The following IL1RAPL2 variants were observed in gnomAD, a reference collection of about 807,000 sequenced individuals.
IL1RAPL2 encodes interleukin 1 receptor accessory protein like 2, also known as X-linked interleukin-1 receptor accessory protein-like 2.
A neutral mutation model predicts 44.1 loss-of-function variants in IL1RAPL2; 3 were observed. That is an observed-to-expected ratio of 0.07 (90% CI 0.03 to 0.18). The LOEUF (loss-of-function observed/expected upper bound fraction) is 0.18, where lower values mean the gene tolerates loss of function less well. IL1RAPL2 is among the 10% of genes least tolerant of loss of function. The pLI is 1.00. For missense variants in IL1RAPL2, 391 were observed against 496.4 expected (o/e 0.79, Z 2.02); for synonymous variants, 181 against 178.8 (o/e 1.01, Z -0.10).
At chrX:105,154,172 C>A (rs2033250883) in intron 2 of IL1RAPL2, among the ~76,000 whole-genome samples, 1 of 111,151 alleles carries the variant, frequency 9.0e-6, no homozygotes, top group African/African-American at 3.3e-5. Context: ...AATGTTAATG[C>A]TGGTCAATTG....
rs143326463 is a variant in IL1RAPL2 at position 104,693,046 on chromosome X, G to A, written c.82+34051G>A. On this transcript the variant is annotated intron_variant, in intron 2 of 10. Transcript: ENST00000372582. ...TTTAATGATCGCCATTCTAACTGGT[G>A]TGATTATATTTTTAACAGTAGAAGC... Among the ~76,000 whole-genome samples, 430 of 111,954 alleles carry A rather than the reference G, an allele frequency of 3.8e-3. 1 individual carries two copies. Among genetic ancestry groups the A allele is most frequent in the African/African-American group, 0.013 (410 of 30,817 alleles).
chrX:105,627,899 C>G (rs905527661), intron 6 of IL1RAPL2, among the ~76,000 whole-genome samples: 2 of 111,771 alleles, frequency 1.8e-5, no homozygotes, highest in Admixed American at 9.5e-5. Flanking sequence ...ATGGCAGGTT[C>G]AGGAATGGCA....
rs780138775 is a variant in IL1RAPL2, at chrX:105,337,845, C to T, written c.697+70304C>T. On this transcript the variant is annotated intron_variant, in intron 5 of 10. Coordinates refer to ENST00000372582, the MANE Select transcript of IL1RAPL2 (RefSeq NM_017416.2). ...GGCAGAGCTTGCAGTGAGCCGAGAT[C>T]GCGCCACTGCACTCCAGACTGGGAG... Among the ~76,000 whole-genome samples, 141 of 109,983 alleles carry T rather than the reference C, an allele frequency of 1.3e-3. 2 individuals are homozygous for T. The highest frequency in any genetic ancestry group is 2.0e-3 in the Admixed American group (21 of 10,373).
intron 2 of IL1RAPL2, among the ~76,000 whole-genome samples, chrX:104,833,226 A>G (rs947090738): frequency 6.3e-5 from 7 of 110,874 alleles, no homozygotes; most frequent in Non-Finnish European, 9.4e-5. Flanking sequence ...TGCAGCCTCA[A>G]TCTCCTGGGC....
chrX:105,755,576 A>AT (rs1402290100), intron 10 of IL1RAPL2, among the ~76,000 whole-genome samples: 1 of 111,584 alleles, frequency 9.0e-6, no homozygotes, highest in Non-Finnish European at 1.9e-5. Flanking sequence ...CATAATGGTC[A>AT]TTTTTATTAT....
At chrX:105,060,069 A>G (rs2032052417) in intron 2 of IL1RAPL2, among the ~76,000 whole-genome samples, 1 of 111,704 alleles carries the variant, frequency 9.0e-6, no homozygotes. Flanking sequence ...ATTCCCGCTA[A>G]CAGTGTTCAA....
At chrX:105,211,538 G>C (rs1556157850) in intron 3 of IL1RAPL2, among the ~76,000 whole-genome samples, 1 of 110,971 alleles carries the variant, frequency 9.0e-6, no homozygotes, top group Non-Finnish European at 1.9e-5. Flanking sequence ...TTCATTCCTA[G>C]AGACTCCTGG....
chrX:105,654,771 G>C (rs761209014), intron 6 of IL1RAPL2, among the ~76,000 whole-genome samples: 1 of 111,740 alleles, frequency 8.9e-6, no homozygotes, highest in South Asian at 3.7e-4. Context: ...TTTTAGAATA[G>C]TTTCCCTTCT....
Position 105,247,603 on chromosome X carries a change from A to ATATATG in IL1RAPL2, c.543+13600_543+13601insATATGT, listed in dbSNP as rs996281661. Among the ~76,000 whole-genome samples, 265 of 95,047 alleles carry ATATATG rather than the reference A, an allele frequency of 2.8e-3. 2 individuals are homozygous for ATATATG. The highest frequency in any genetic ancestry group is 9.5e-3 in the African/African-American group (259 of 27,286). 82.5% of individuals were successfully genotyped at this position (95,047 alleles called of 115,157 possible). A position where few individuals can be genotyped will look rare whatever the true frequency, so the allele number is the denominator to read the frequency against. ...TAGAAGTGTGTGTGTATATATATAT[A>ATATATG]TGTGTGTGTGTGTGTGTGTGTGTGT... On this transcript the variant is annotated intron_variant, in intron 4 of 10. Coordinates refer to ENST00000372582, the MANE Select transcript of IL1RAPL2 (RefSeq NM_017416.2).
At chrX:104,904,988 T>C (rs1325168061) in intron 2 of IL1RAPL2, among the ~76,000 whole-genome samples, 21 of 110,932 alleles carry the variant, frequency 1.9e-4, no homozygotes, top group Middle Eastern at 4.2e-3. Flanking sequence ...TTTTAATGAT[T>C]GCCATTCTAA....
At chrX:105,293,533 C>A (rs2034631447) in intron 5 of IL1RAPL2, among the ~76,000 whole-genome samples, 1 of 112,028 alleles carries the variant, frequency 8.9e-6, no homozygotes, top group Admixed American at 9.5e-5. Flanking sequence ...CAGCAGTTTT[C>A]CCTCAAATCT....
At chrX:104,616,125 C>T (rs1929272565) in intron 1 of IL1RAPL2, among the ~76,000 whole-genome samples, 1 of 112,224 alleles carries the variant, frequency 8.9e-6, no homozygotes. Flanking sequence ...GATACTAGAC[C>T]TTTGTCAAAT....
intron 10 of IL1RAPL2, among the ~76,000 whole-genome samples, chrX:105,758,316 T>G: frequency 8.9e-6 from 1 of 111,940 alleles, no homozygotes; most frequent in Non-Finnish European, 1.9e-5. Context: ...TTGATGTATC[T>G]TCAGTCTTTT....
chrX:104,567,738 G>A (rs947091851), intron 1 of IL1RAPL2, among the ~76,000 whole-genome samples: 1 of 112,509 alleles, frequency 8.9e-6, no homozygotes, highest in African/African-American at 3.2e-5. Flanking sequence ...GACTCCTTGT[G>A]AAGGAAAACT....
chrX:105,753,092 C>T (rs1194420366), intron 9 of IL1RAPL2: 2 of 311,386 alleles, frequency 6.4e-6, no homozygotes, highest in East Asian at 2.0e-4. Flanking sequence ...AGGGGTAAGT[C>T]TTTGTAGCAT....
intron 2 of IL1RAPL2, among the ~76,000 whole-genome samples, chrX:104,972,297 G>A (rs1026171181): frequency 9.0e-5 from 10 of 111,674 alleles, no homozygotes; most frequent in African/African-American, 3.3e-4. Flanking sequence ...GCATCACAGG[G>A]AACTTCCTCT....
At chrX:105,263,597 CAG>C (rs1220656238) in intron 4 of IL1RAPL2, among the ~76,000 whole-genome samples, 1 of 111,582 alleles carries the variant, frequency 9.0e-6, no homozygotes, top group Non-Finnish European at 1.9e-5. Context: ...TCTTAGTAAA[CAG>C]ATATCTCAGT....
chrX:105,274,714 G>A (rs73636213), intron 5 of IL1RAPL2, among the ~76,000 whole-genome samples: 4,096 of 111,637 alleles, frequency 0.037, 214 homozygotes, highest in African/African-American at 0.13. Context: ...GAAATGTTAA[G>A]AGAGAGATTT....
At chrX:104,950,534 G>C (rs1197838487) in intron 2 of IL1RAPL2, among the ~76,000 whole-genome samples, 2 of 112,421 alleles carry the variant, frequency 1.8e-5, no homozygotes, top group African/African-American at 6.5e-5. Flanking sequence ...GTTTACCTAA[G>C]CAAGCCTGGG....
Sources: allele counts gnomAD v4.1 joint callset (sites outside exome capture counted in the v4.1 genomes callset), GRCh38; gene constraint gnomAD v4.1.1; transcripts MANE v1.5; gene names NCBI Gene and HGNC (gene_info 2026-07-23, HGNC 2026-07-21).